The following PEAK1 variants were observed in gnomAD, a reference collection of about 807,000 sequenced individuals.
The protein encoded by PEAK1 is pseudopodium enriched atypical kinase 1.
In PEAK1, 54 loss-of-function variants were observed where a neutral mutation model predicts 124.7. The ratio of observed to expected loss-of-function variants is 0.43; its 90% CI spans 0.35 to 0.54. The LOEUF is 0.54. Ranked by LOEUF, PEAK1 falls within the 20% of genes least tolerant of loss-of-function variation. PEAK1 has a pLI of 0.01. For missense variants in PEAK1, 2,046 were observed against 2,134.5 expected (o/e 0.96, Z 0.82); for synonymous variants, 719 against 760.0 (o/e 0.95, Z 0.89).
intron 1 of PEAK1, among the ~76,000 whole-genome samples, chr15:77,387,455 C>A (rs1375666780): frequency 6.6e-6 from 1 of 152,182 alleles, no homozygotes; most frequent in Non-Finnish European, 1.5e-5. Flanking sequence ...TGTTCAAATT[C>A]AAAACAATCA....
At chr15:77,221,200 T>A (rs948692231) in intron 6 of PEAK1, among the ~76,000 whole-genome samples, 1 of 152,168 alleles carries the variant, frequency 6.6e-6, no homozygotes, top group African/African-American at 2.4e-5. Context: ...CAGTCGTGAA[T>A]GAGCCCAGCA....
At chr15:77,244,630 C>T (rs1457431762) in intron 6 of PEAK1, among the ~76,000 whole-genome samples, 1 of 151,860 alleles carries the variant, frequency 6.6e-6, no homozygotes, top group East Asian at 1.9e-4. Flanking sequence ...GCTCTGTCAC[C>T]CAGGCTGGAC....
chr15:77,195,253 T>C (rs1490385617), intron 6 of PEAK1, among the ~76,000 whole-genome samples: 2 of 152,092 alleles, frequency 1.3e-5, no homozygotes, highest in East Asian at 1.9e-4. Flanking sequence ...TCCAGAAACT[T>C]TGGCCAACTA....
intron 1 of PEAK1, chr15:77,419,142 AACTTGGATCTTTAAAAAACAAC>A: frequency 1.0e-6 from 1 of 985,402 alleles, no homozygotes; most frequent in Non-Finnish European, 1.2e-6. Flanking sequence ...CAAATTCCTG[AACTTGGATCTTTAAAAAACAAC>A]GAATCGCAAA....
Position 77,269,921 on chromosome 15 carries a change from G to C in PEAK1, c.-275+13962C>G, listed in dbSNP as rs572983049. On this transcript the variant is annotated intron_variant, in intron 5 of 9. Coordinates refer to ENST00000682557, the MANE Select transcript of PEAK1 (RefSeq NM_001385026.1). ...ACATCTTTATTTCTGCCTTCATTTTGTTATGTACCCAGTAGTCATTCAGGA... is the reference window on the plus strand; with the variant it reads ...ACATCTTTATTTCTGCCTTCATTTTCTTATGTACCCAGTAGTCATTCAGGA... 3.9e-5 allele frequency among the ~76,000 whole-genome samples: 6 copies of C among 152,208 alleles called. 1 individual carries two copies. The South Asian group carries it at 1.2e-3, about 32-fold the overall frequency.
At chr15:77,419,490 C>A in intron 1 of PEAK1, 2 of 985,250 alleles carry the variant, frequency 2.0e-6, no homozygotes, top group Non-Finnish European at 2.4e-6. Context: ...AGGGAGCAGG[C>A]AGGGAGCCAC....
chr15:77,249,060 T>C (rs1022231885), intron 6 of PEAK1, among the ~76,000 whole-genome samples: 5 of 152,276 alleles, frequency 3.3e-5, no homozygotes, highest in Admixed American at 2.0e-4. Context: ...TGACCTCAGG[T>C]GATCCTCCTG....
At chr15:77,405,068 C>A (rs1393777422) in intron 1 of PEAK1, among the ~76,000 whole-genome samples, 1 of 151,006 alleles carries the variant, frequency 6.6e-6, no homozygotes, top group Non-Finnish European at 1.5e-5. Flanking sequence ...TGCAGTGGTG[C>A]AATCTTGGCT....
rs747249117 is a variant in PEAK1, at chr15:77,298,746, T to C, written c.-602-12242A>G. On this transcript the variant is annotated intron_variant, in intron 2 of 9. Coordinates refer to ENST00000682557, the MANE Select transcript of PEAK1 (RefSeq NM_001385026.1). ...TTATTCTATAAATTCTATTGTGTAATTTTCTTTTCCTCATCTCTGGCAGGT... is the reference window on the plus strand; with the variant it reads ...TTATTCTATAAATTCTATTGTGTAACTTTCTTTTCCTCATCTCTGGCAGGT... 1.8e-4 allele frequency among the ~76,000 whole-genome samples: 27 copies of C among 152,152 alleles called. 1 individual carries two copies. Among genetic ancestry groups the C allele is most frequent in the Non-Finnish European group, 3.5e-4 (24 of 68,022 alleles).
chr15:77,385,301 TAAAAC>T (rs1454767010), intron 1 of PEAK1, among the ~76,000 whole-genome samples: 2 of 152,186 alleles, frequency 1.3e-5, no homozygotes, highest in Non-Finnish European at 2.9e-5. Flanking sequence ...TAGAGGTGGT[TAAAAC>T]AAATGTTCTT....
At chr15:77,260,971 T>G (rs1228492321) in intron 5 of PEAK1, among the ~76,000 whole-genome samples, 1 of 152,204 alleles carries the variant, frequency 6.6e-6, no homozygotes, top group Non-Finnish European at 1.5e-5. Flanking sequence ...CACCAATATC[T>G]GCTGTTGTGC....
intron 6 of PEAK1, among the ~76,000 whole-genome samples, chr15:77,195,932 T>C (rs62008383): frequency 0.077 from 11,737 of 152,286 alleles, 563 homozygotes; most frequent in Non-Finnish European, 0.1. Flanking sequence ...TGCAATTATT[T>C]GCAGTAGCAA....
intron 5 of PEAK1, among the ~76,000 whole-genome samples, chr15:77,261,297 G>A (rs1440551285): frequency 6.6e-6 from 1 of 152,204 alleles, no homozygotes; most frequent in Non-Finnish European, 1.5e-5. Context: ...GTTGAGAGAA[G>A]AAGGCTTCAG....
chr15:77,283,038 G>C (rs1267016526), intron 5 of PEAK1, among the ~76,000 whole-genome samples: 3 of 152,118 alleles, frequency 2.0e-5, no homozygotes, highest in African/African-American at 7.2e-5. Flanking sequence ...ATCTGTGATG[G>C]CATGAAAATG....
Position 77,389,971 on chromosome 15 carries a change from T to C in PEAK1, c.-665-24746A>G, listed in dbSNP as rs150045764. 2.6e-5 allele frequency among the ~76,000 whole-genome samples: 4 copies of C among 152,358 alleles called. No homozygotes were observed. The East Asian group carries it at 7.7e-4, about 29-fold the overall frequency. On this transcript the variant is annotated intron_variant, in intron 1 of 9. Coordinates refer to ENST00000682557, the MANE Select transcript of PEAK1 (RefSeq NM_001385026.1). ...ATGATGATAATGAATACATTAACTT[T>C]ACAACTAATATTACATGCCACGTAC...
At chr15:77,392,392 C>T (rs556340248) in intron 1 of PEAK1, among the ~76,000 whole-genome samples, 139 of 152,174 alleles carry the variant, frequency 9.1e-4, no homozygotes, top group African/African-American at 3.2e-3. Context: ...AGCAAGAGAA[C>T]AAAATAACTC....
At chr15:77,193,978 C>T (rs2057983501) in intron 6 of PEAK1, among the ~76,000 whole-genome samples, 1 of 152,078 alleles carries the variant, frequency 6.6e-6, no homozygotes, top group Admixed American at 6.6e-5. Flanking sequence ...CAGAATTATA[C>T]CTCTTGCTCC....
chr15:77,206,498 G>T (rs1441687134), intron 6 of PEAK1, among the ~76,000 whole-genome samples: 14 of 149,832 alleles, frequency 9.3e-5, no homozygotes, highest in Admixed American at 6.7e-4. Context: ...GTTGTTTCCT[G>T]ACTTTTTAAT....
At chr15:77,149,308 C>T (rs1039730167) in intron 8 of PEAK1, among the ~76,000 whole-genome samples, 3 of 152,168 alleles carry the variant, frequency 2.0e-5, no homozygotes, top group Non-Finnish European at 4.4e-5. Context: ...GTTTCTTCCA[C>T]ATCTGTCAAT....
Sources: gnomAD v4.1 joint callset for allele counts (sites outside exome capture counted in the v4.1 genomes callset) on GRCh38, gnomAD v4.1.1 for gene constraint, MANE v1.5 for transcripts, NCBI Gene and HGNC (gene_info 2026-07-23, HGNC 2026-07-21) for gene names.